KIAA1549L: variants seen among roughly 807,000 people sequenced by gnomAD.
KIAA1549L encodes KIAA1549 like, also known as UPF0606 protein KIAA1549L.
A neutral mutation model predicts 160.7 loss-of-function variants in KIAA1549L; 88 were observed. The ratio of observed to expected loss-of-function variants is 0.55; its 90% CI spans 0.46 to 0.65. The LOEUF is 0.65. Among genes scored for constraint, KIAA1549L ranks in the 30% least tolerant of loss-of-function variants. KIAA1549L has a pLI of 0.00. For missense variants in KIAA1549L, 2,258 were observed against 2,437.5 expected, an observed-to-expected ratio of 0.93 and a Z score of 1.55; for synonymous variants, 950 against 976.7, an observed-to-expected ratio of 0.97 and a Z score of 0.51.
chr11:33,643,313 C>T (rs141397050), intron 16 of KIAA1549L, among the ~76,000 whole-genome samples: 3 of 152,118 alleles, frequency 2.0e-5, no homozygotes, highest in East Asian at 1.9e-4. Flanking sequence ...CCCCTACCAA[C>T]CTTACTCGGA....
intron 1 of KIAA1549L, among the ~76,000 whole-genome samples, chr11:33,540,691 C>A (rs1853999255): frequency 1.3e-5 from 2 of 152,184 alleles, no homozygotes; most frequent in Admixed American, 1.3e-4. Context: ...ACTTTAGTGT[C>A]TTGGAGCTAT....
rs1333151049 is a variant in KIAA1549L at position 33,672,070 on chromosome 11, G to C, written c.*3916G>C. The stretch of plus-strand genomic sequence containing the variant: ...CTTGAAGTGCAGGTGTTGGCTGAAA[G>C]AATAGAGGGACATTTCACAAACACA... On this transcript the variant is annotated 3_prime_UTR_variant, in exon 21 of 21. Transcript: ENST00000658780. 1.3e-5 allele frequency: 2 copies of C among 152,250 alleles called. No individual in the cohort carries two copies. Among genetic ancestry groups the C allele is most frequent in the Admixed American group, 6.5e-5 (1 of 15,290 alleles). 9.4% of individuals were successfully genotyped at this position (152,250 alleles called of 1,614,324 possible). A position where few individuals can be genotyped will look rare whatever the true frequency, so the allele number is the denominator to read the frequency against.
At chr11:33,427,311 T>G (rs1461086040) in intron 1 of KIAA1549L, among the ~76,000 whole-genome samples, 2 of 152,170 alleles carry the variant, frequency 1.3e-5, no homozygotes, top group Non-Finnish European at 2.9e-5. Context: ...GAATCCTGCC[T>G]TCTCTCCCTT....
chr11:33,624,717 G>A (rs147385162), intron 16 of KIAA1549L, among the ~76,000 whole-genome samples: 9 of 150,734 alleles, frequency 6.0e-5, no homozygotes, highest in East Asian at 2.0e-4. Context: ...CCAAGTGGAC[G>A]ATTTAAGAGA....
At chr11:33,456,603 G>T (rs1326007063) in intron 1 of KIAA1549L, among the ~76,000 whole-genome samples, 4 of 152,030 alleles carry the variant, frequency 2.6e-5, no homozygotes. Flanking sequence ...GTAGAGACAG[G>T]GTTTCACCAT....
intron 1 of KIAA1549L, among the ~76,000 whole-genome samples, chr11:33,537,438 G>A (rs1048829807): frequency 6.6e-6 from 1 of 152,166 alleles, no homozygotes; most frequent in South Asian, 2.1e-4. Context: ...CAGATGGAAG[G>A]TAGAAAAGGA....
At chr11:33,600,751 A>T (rs763891) in intron 13 of KIAA1549L, among the ~76,000 whole-genome samples, 24,971 of 152,094 alleles carry the variant, frequency 0.16, 6,753 homozygotes, top group African/African-American at 0.56. Flanking sequence ...TTTTGTTGTA[A>T]TGCTTTATTT....
intron 1 of KIAA1549L, among the ~76,000 whole-genome samples, chr11:33,538,331 TG>T (rs1204310960): frequency 1.3e-5 from 2 of 152,228 alleles, no homozygotes; most frequent in African/African-American, 4.8e-5. Flanking sequence ...CATATCAATA[TG>T]CTTTTTCAGT....
intron 1 of KIAA1549L, among the ~76,000 whole-genome samples, chr11:33,429,902 C>G (rs545307358): frequency 1.3e-5 from 2 of 152,264 alleles, no homozygotes; most frequent in East Asian, 3.9e-4. Context: ...ATTGGTCTCC[C>G]TCTTCCTGCT....
intron 1 of KIAA1549L, among the ~76,000 whole-genome samples, chr11:33,504,659 G>A (rs9988888): frequency 0.2 from 30,894 of 151,966 alleles, 3,398 homozygotes; most frequent in East Asian, 0.33. Flanking sequence ...GTAGAGATGG[G>A]GTTTCACCAT....
chr11:33,614,563 TATATATATATATATATATATA>T (rs1250964294), intron 15 of KIAA1549L, among the ~76,000 whole-genome samples: 25 of 17,966 alleles, frequency 1.4e-3, no homozygotes, highest in African/African-American at 5.1e-3. Context: ...TATATATATA[TATATATATATATATATATATA>T]TTTTTTTTTT....
At chr11:33,402,432 A>G (rs1037774160) in intron 1 of KIAA1549L, among the ~76,000 whole-genome samples, 1 of 151,782 alleles carries the variant, frequency 6.6e-6, no homozygotes, top group African/African-American at 2.4e-5. Flanking sequence ...GTAGCCTCCT[A>G]TTTCTGGTCG....
intron 1 of KIAA1549L, among the ~76,000 whole-genome samples, chr11:33,483,876 A>G (rs1852465919): frequency 6.6e-6 from 1 of 152,172 alleles, no homozygotes; most frequent in South Asian, 2.1e-4. Context: ...TAAATTACCC[A>G]ATCTTGATAT....
chr11:33,475,412 C>T (rs1852263627), intron 1 of KIAA1549L, among the ~76,000 whole-genome samples: 2 of 152,118 alleles, frequency 1.3e-5, no homozygotes, highest in Non-Finnish European at 2.9e-5. Context: ...ATGTTTTTGG[C>T]CAGGCATAGT....
rs774118838 is a variant in KIAA1549L at position 33,544,793 on chromosome 11, C to T, written c.2800C>T (p.Pro934Ser). The T allele has an allele frequency of 3.5e-5, 56 of 1,606,302 alleles. No homozygotes were observed. The highest frequency in any genetic ancestry group is 2.8e-4 in the Admixed American group (17 of 59,700). ...GGACACAGTATCATCTAAGGTACAG[C>T]CAACAGCAGCAGCTGCCGTCACATT... ...TADTVSSKVQ[P>S]TAAAAVTLFL... Residue 934 changes from proline to serine, a missense_variant, in exon 3 of 21, where the codon CCA becomes TCA. By Grantham distance (74) the Pro-to-Ser change is moderately conservative. Transcript: ENST00000658780.
At chr11:33,562,724 G>A (rs930232893) in intron 8 of KIAA1549L, among the ~76,000 whole-genome samples, 1 of 149,502 alleles carries the variant, frequency 6.7e-6, no homozygotes, top group Non-Finnish European at 1.5e-5. Context: ...CGTGGCTCAG[G>A]CTGGAGTGCA....
chr11:33,606,627 A>G lies in KIAA1549L; in HGVS notation c.4880-14A>G, dbSNP rs1554921205. 5.6e-6 allele frequency: 9 copies of G among 1,612,958 alleles called. No homozygotes were observed. Among genetic ancestry groups the G allele is most frequent in the Non-Finnish European group, 7.6e-6 (9 of 1,179,280 alleles). ...CCAACATCATAAAATCGATGTGTTT[A>G]TGTTGTGCTTCAGTGCCAGCGAGTG... On this transcript the variant is annotated splice_polypyrimidine_tract_variant and intron_variant, in intron 13 of 20. Coordinates refer to ENST00000658780, the MANE Select transcript of KIAA1549L (RefSeq NM_012194.3).
chr11:33,585,037 T>C (rs755838676), intron 11 of KIAA1549L, among the ~76,000 whole-genome samples: 13 of 152,202 alleles, frequency 8.5e-5, no homozygotes, highest in Admixed American at 3.3e-4. Context: ...TTTTATTGTT[T>C]GTTAAACTGA....
At chr11:33,632,463 T>C (rs573402969) in intron 16 of KIAA1549L, among the ~76,000 whole-genome samples, 1 of 152,316 alleles carries the variant, frequency 6.6e-6, no homozygotes, top group Non-Finnish European at 1.5e-5. Context: ...TCGATGGAGC[T>C]GGGGCAGCTT....
Sources: gnomAD v4.1 joint callset for allele counts (sites outside exome capture counted in the v4.1 genomes callset) on GRCh38, gnomAD v4.1.1 for gene constraint, MANE v1.5 for transcripts, NCBI Gene and HGNC (gene_info 2026-07-23, HGNC 2026-07-21) for gene names.